The following GSTCD variants were observed in gnomAD, a reference collection of about 807,000 sequenced individuals.
GSTCD encodes glutathione S-transferase C-terminal domain-containing protein.
Under a neutral mutation model 68.3 loss-of-function variants are expected in GSTCD, and 44 were observed. The observed-to-expected ratio is 0.64, with a 90% CI of 0.51 to 0.83. GSTCD has a LOEUF of 0.83. Among genes scored for constraint, GSTCD ranks in the 40% least tolerant of loss-of-function variants. The pLI is 0.00. For synonymous variants in GSTCD, 273 were observed against 255.2 expected (o/e 1.07, Z -0.67); for missense variants, 739 against 735.9 (o/e 1.00, Z -0.05).
intron 5 of GSTCD, among the ~76,000 whole-genome samples, chr4:105,755,056 CAAAAAAAAAAAAAAAAAAAAAAAA>C (rs70941214): frequency 1.4e-4 from 7 of 50,986 alleles, no homozygotes; most frequent in African/African-American, 3.2e-4. Flanking sequence ...CTCATTTCTC[CAAAAAAAAAAAAAAAAAAAAAAAA>C]AAAAAAAAAA....
intron 5 of GSTCD, among the ~76,000 whole-genome samples, chr4:105,783,523 T>A (rs1391121704): frequency 1.3e-5 from 2 of 151,318 alleles, no homozygotes; most frequent in Non-Finnish European, 3.0e-5. Flanking sequence ...TTTTGCCCAA[T>A]TTTTTTTTAT....
At chr4:105,732,808 G>C (rs1312823468) in intron 5 of GSTCD, among the ~76,000 whole-genome samples, 1 of 152,068 alleles carries the variant, frequency 6.6e-6, no homozygotes, top group Non-Finnish European at 1.5e-5. Context: ...GATCTTTCCT[G>C]CTTTCTCCTG....
intron 5 of GSTCD, among the ~76,000 whole-genome samples, chr4:105,772,313 T>G (rs1021002310): frequency 6.6e-6 from 1 of 152,132 alleles, no homozygotes; most frequent in Non-Finnish European, 1.5e-5. Flanking sequence ...CAAACAGAGA[T>G]AATTTGACTT....
At chr4:105,728,692 G>GAT (rs1332096174) in intron 4 of GSTCD, among the ~76,000 whole-genome samples, 9 of 139,012 alleles carry the variant, frequency 6.5e-5, no homozygotes, top group African/African-American at 2.4e-4. Flanking sequence ...TATAGATATA[G>GAT]ATATAGATAT....
At chr4:105,750,474 A>AAG (rs1553959783) in intron 5 of GSTCD, among the ~76,000 whole-genome samples, 27 of 151,988 alleles carry the variant, frequency 1.8e-4, no homozygotes, top group African/African-American at 5.1e-4. Flanking sequence ...AAAAAAAAAA[A>AAG]AAAAAGAAAA....
intron 5 of GSTCD, among the ~76,000 whole-genome samples, chr4:105,802,177 G>A (rs1197636172): frequency 1.3e-5 from 2 of 152,048 alleles, no homozygotes; most frequent in African/African-American, 4.8e-5. Context: ...TGTTTGTTTG[G>A]TTTGCTTGTT....
chr4:105,725,596 T>G (rs1422461456), intron 3 of GSTCD, among the ~76,000 whole-genome samples: 1 of 152,108 alleles, frequency 6.6e-6, no homozygotes, highest in Non-Finnish European at 1.5e-5. Context: ...AGCATTTTTT[T>G]TATATACTTA....
chr4:105,758,785 T>C (rs113486269), intron 5 of GSTCD, among the ~76,000 whole-genome samples: 5 of 152,220 alleles, frequency 3.3e-5, no homozygotes, highest in Middle Eastern at 3.2e-3. Context: ...TAGTTTATTT[T>C]ACCATCAGCA....
In GSTCD at chr4:105,840,416, GT is replaced by G. The variant is rs368729757; in HGVS notation, c.1696-1641del. On this transcript the variant is annotated intron_variant, in intron 10 of 11. Coordinates refer to ENST00000515279, the MANE Select transcript of GSTCD (RefSeq NM_001370181.1). Reference sequence around the variant, plus strand: ...GAAATTTTATAGTGAGCATTAAAATGTTTTTTTTAAGCATACAAGTTTAGAC... The same window carrying G: ...GAAATTTTATAGTGAGCATTAAAATGTTTTTTTAAGCATACAAGTTTAGAC... 5.9e-3 allele frequency: 1,342 copies of G among 227,614 alleles called. 17 individuals carry two copies. Among genetic ancestry groups the G allele is most frequent in the African/African-American group, 0.027 (1,192 of 44,244 alleles). 14.1% of individuals were successfully genotyped at this position (227,614 alleles called of 1,614,324 possible).
At chr4:105,760,427 CCT>C (rs1211276663) in intron 5 of GSTCD, among the ~76,000 whole-genome samples, 1 of 152,010 alleles carries the variant, frequency 6.6e-6, no homozygotes, top group Non-Finnish European at 1.5e-5. Context: ...TTCTCTTAAT[CCT>C]CTCTTTTCTG....
At chr4:105,723,577 G>A (rs1173777758) in intron 3 of GSTCD, among the ~76,000 whole-genome samples, 1 of 151,740 alleles carries the variant, frequency 6.6e-6, no homozygotes, top group African/African-American at 2.4e-5. Flanking sequence ...TTATATCAAG[G>A]ACATGAGTAT....
intron 1 of GSTCD, among the ~76,000 whole-genome samples, chr4:105,711,490 C>G (rs548117216): frequency 6.6e-6 from 1 of 152,070 alleles, no homozygotes; most frequent in East Asian, 1.9e-4. Flanking sequence ...AAATATAAAC[C>G]ATAATTTGGG....
chr4:105,722,352 A>G (rs2149207456), intron 3 of GSTCD, among the ~76,000 whole-genome samples: 1 of 152,138 alleles, frequency 6.6e-6, no homozygotes, highest in Admixed American at 6.5e-5. Flanking sequence ...TTAGTGGTAA[A>G]TTTGTATTTT....
chr4:105,761,009 T>C, intron 5 of GSTCD: 1 of 302,496 alleles, frequency 3.3e-6, no homozygotes, highest in Admixed American at 4.8e-5. Context: ...TTTTTTTTTT[T>C]TTTTTTTTTT....
At chr4:105,719,581 G>A (rs918463952) in intron 3 of GSTCD, 54 bp downstream of exon 3, 1 of 1,308,330 alleles carries the variant, frequency 7.6e-7, no homozygotes, top group East Asian at 2.3e-5. Flanking sequence ...CTATGAAATT[G>A]CCTAGGTTTG....
chr4:105,824,092 A>C (rs1723462713), intron 7 of GSTCD, among the ~76,000 whole-genome samples: 1 of 152,014 alleles, frequency 6.6e-6, no homozygotes, highest in Admixed American at 6.6e-5. Context: ...TTTGCTTGTG[A>C]GCTCTCTGGA....
At chr4:105,791,358 A>G (rs1439459717) in intron 5 of GSTCD, among the ~76,000 whole-genome samples, 1 of 149,600 alleles carries the variant, frequency 6.7e-6, no homozygotes, top group Non-Finnish European at 1.5e-5. Flanking sequence ...GCGCCACTGC[A>G]CTCCAGCCTG....
At chr4:105,810,210 A>G (rs1415054203) in intron 5 of GSTCD, among the ~76,000 whole-genome samples, 1 of 152,146 alleles carries the variant, frequency 6.6e-6, no homozygotes, top group Non-Finnish European at 1.5e-5. Context: ...AACTAATGCA[A>G]AATTTTAACT....
At chr4:105,816,841 A>G (rs1723018209) in intron 5 of GSTCD, among the ~76,000 whole-genome samples, 1 of 152,042 alleles carries the variant, frequency 6.6e-6, no homozygotes, top group African/African-American at 2.4e-5. Context: ...TACCAGTTGC[A>G]TGTCTTTGAA....
Sources: allele counts gnomAD v4.1 joint callset (sites outside exome capture counted in the v4.1 genomes callset), GRCh38; gene constraint gnomAD v4.1.1; transcripts MANE v1.5; gene names NCBI Gene and HGNC (gene_info 2026-07-23, HGNC 2026-07-21).